Variants in CFAP46 observed in about 807,000 individuals in gnomAD.
CFAP46 encodes the protein cilia and flagella associated protein 46, also known as cilia- and flagella-associated protein 46.
CFAP46 carries 245 observed loss-of-function variants against 325.7 expected under a neutral mutation model. The observed-to-expected ratio is 0.75, with a 90% CI of 0.68 to 0.84. The LOEUF is 0.84. Ranked by LOEUF, CFAP46 falls within the 40% of genes least tolerant of loss-of-function variation. The pLI is 0.00. For synonymous variants in CFAP46, 1,523 were observed against 1,495.9 expected, an observed-to-expected ratio of 1.02 and a Z score of -0.42; for missense variants, 3,346 against 3,543.0, an observed-to-expected ratio of 0.94 and a Z score of 1.41.
At position 132,909,927 on chromosome 10, in the gene CFAP46, C is replaced by T. The variant is rs1178308713; in HGVS notation, c.2641G>A (p.Glu881Lys). The T allele has an allele frequency of 5.4e-6, 8 of 1,470,866 alleles. No individual in the cohort carries two copies. Among genetic ancestry groups the T allele is most frequent in the Non-Finnish European group, 7.2e-6 (8 of 1,112,492 alleles). The allele number at this position is 1,470,866 out of a possible 1,614,324, so 91.1% of individuals were successfully genotyped here. A position where few individuals can be genotyped will look rare whatever the true frequency, so the allele number is the denominator to read the frequency against. The change falls in exon 20 of 58, where the codon GAG becomes AAG. Residue 881 changes from glutamate to lysine, a missense_variant. Glu to Lys is a moderately conservative substitution (Grantham distance 56). Transcript: ENST00000368586. Reference protein sequence around the residue: ...QQQIGPRLGTEEQGTNEDVSS... With the variant: ...QQQIGPRLGTKEQGTNEDVSS... ...TGGGCAGGGGCGCCCACCTGCTCCTCGGTGCCCAGCCGTGGCCCAATCTGC... is the reference window on the plus strand; with the variant it reads ...TGGGCAGGGGCGCCCACCTGCTCCTTGGTGCCCAGCCGTGGCCCAATCTGC...
intron 56 of CFAP46, 63 bp downstream of exon 56, chr10:132,810,887 G>T: frequency 2.1e-6 from 3 of 1,459,138 alleles, no homozygotes; most frequent in Non-Finnish European, 2.8e-6. Context: ...TGGGTCCCAC[G>T]CCCGTCTGTC....
intron 31 of CFAP46, 36 bp from the exon 32 acceptor site, chr10:132,872,860 G>C: frequency 6.5e-7 from 1 of 1,549,996 alleles, no homozygotes; most frequent in Non-Finnish European, 8.7e-7. Context: ...GAGGTCACAG[G>C]AGCGGGTGTA....
intron 39 of CFAP46, among the ~76,000 whole-genome samples, chr10:132,854,816 C>T (rs1301625014): frequency 1.3e-5 from 2 of 152,208 alleles, no homozygotes; most frequent in East Asian, 3.8e-4. Flanking sequence ...CATCCCTTAT[C>T]CTCCTTGCCC....
intron 17 of CFAP46, 123 bp from the exon 18 acceptor site, chr10:132,913,381 G>T: frequency 5.7e-6 from 2 of 350,508 alleles, no homozygotes; most frequent in African/African-American, 2.2e-5. Context: ...GGGCGGGTGG[G>T]CGGCGACCAA....
intron 40 of CFAP46, among the ~76,000 whole-genome samples, chr10:132,850,675 T>A (rs1047868547): frequency 6.6e-6 from 1 of 152,234 alleles, no homozygotes; most frequent in Admixed American, 6.5e-5. Context: ...TTGGTCCATT[T>A]ATACTTATGT....
chr10:132,836,169 C>T lies in CFAP46; in HGVS notation c.6586G>A (p.Ala2196Thr), dbSNP rs1412516289. The stretch of plus-strand genomic sequence containing the variant: ...CCCACCGCCTGCACCTTTCCTTTGG[C>T]TGCAGTAATGAACTTGGGTTTCTCG... ...AYEKPKFITA[A>T]KGKVQAVGGS... The change falls in exon 46 of 58, where the codon GCC becomes ACC. Residue 2196 changes from alanine to threonine, a missense_variant. Ala to Thr is a moderately conservative substitution (Grantham distance 58). Transcript: ENST00000368586. The T allele has an allele frequency of 1.2e-6, 2 of 1,609,786 alleles. No individual in the cohort carries two copies. Among genetic ancestry groups the T allele is most frequent in the African/African-American group, 1.4e-5 (1 of 73,676 alleles).
chr10:132,849,379 TG>T (rs1848496890), intron 41 of CFAP46, among the ~76,000 whole-genome samples: 1 of 152,126 alleles, frequency 6.6e-6, no homozygotes, highest in Non-Finnish European at 1.5e-5. Context: ...CGGCACCTGG[TG>T]GGGGGATTGC....
At chr10:132,934,322 G>A (rs889930735) in intron 8 of CFAP46, among the ~76,000 whole-genome samples, 12 of 116,590 alleles carry the variant, frequency 1.0e-4, no homozygotes, top group African/African-American at 4.0e-4. Context: ...TGAAAGCCTC[G>A]GGCTCAGCTT....
chr10:132,898,668 G>T, intron 24 of CFAP46: 1 of 476,080 alleles, frequency 2.1e-6, no homozygotes, highest in Non-Finnish European at 3.9e-6. Context: ...CTTAAGGCAG[G>T]GACTGTGCTG....
At chr10:132,814,458 C>T in intron 53 of CFAP46, 119 bp downstream of exon 53, 3 of 1,298,748 alleles carry the variant, frequency 2.3e-6, no homozygotes, top group Non-Finnish European at 3.2e-6. Flanking sequence ...ATGGGGCAAG[C>T]ACATATGCAG....
In CFAP46 at chr10:132,899,540, G is replaced by A. The variant is rs370086324; in HGVS notation, c.3051C>T (p.Ser1017=). 20 of 1,547,300 alleles carry A rather than the reference G, an allele frequency of 1.3e-5. No homozygotes were observed. Among genetic ancestry groups the A allele is most frequent in the East Asian group, 2.4e-5 (1 of 40,898 alleles). The change falls in exon 23 of 58, where the codon AGC becomes AGT. Residue 1017 remains serine, a synonymous_variant. Transcript: ENST00000368586. ...RLVAAKAFTE[S]ARFGGIAGSS... ...AGCCCCTTAGAGCCACACACCTGGC[G>A]CTCTCCGTGAAGGCCTTGGCTGCCA... is the stretch of plus-strand genomic sequence containing the variant.
Position 132,942,457 on chromosome 10 carries a change from C to T in CFAP46, c.28G>A (p.Ala10Thr). ...TCACCTTGCTGGCTCTCGGCGCGGG[C>T]CAGCTCCTGCGTGATGACCAGGTCC... MDLVITQEL[A>T]RAESQQDAAS... The change falls in exon 1 of 58, where the codon GCC becomes ACC. Residue 10 changes from alanine to threonine, a missense_variant. Transcript: ENST00000368586. 1 of 1,240,296 alleles carries T rather than the reference C, an allele frequency of 8.1e-7. No homozygotes were observed. Among genetic ancestry groups the T allele is most frequent in the Non-Finnish European group, 9.9e-7 (1 of 1,006,208 alleles). The allele number at this position is 1,240,296 out of a possible 1,614,324, so 76.8% of individuals were successfully genotyped here.
rs1473379141 is a variant in CFAP46, at chr10:132,886,492, G to A, written c.3305-533C>T. Among the ~76,000 whole-genome samples the A allele has an allele frequency of 2.6e-5, 4 of 152,124 alleles. No homozygotes were observed. The highest frequency in any genetic ancestry group is 2.1e-4 in the South Asian group (1 of 4,826). ...CACACACAAAAATCGCCTGCCTGCC[G>A]GGAGGTGAGCCCCACCCAGCCTCCA... On this transcript the variant is annotated intron_variant, in intron 25 of 57. Coordinates refer to ENST00000368586, the MANE Select transcript of CFAP46 (RefSeq NM_001200049.3). The surrounding 1 kb of genome is among the most constrained non-coding windows in gnomAD (Gnocchi z 5.8).
At chr10:132,881,230 T>G (rs1849038296) in intron 27 of CFAP46, among the ~76,000 whole-genome samples, 198 bp from the exon 28 acceptor site, 1 of 152,194 alleles carries the variant, frequency 6.6e-6, no homozygotes, top group Admixed American at 6.5e-5. Context: ...GTTGTTTCTT[T>G]TCACAAGCAG....
Position 132,822,812 on chromosome 10 carries a change from C to CTGTG in CFAP46, c.7118-7902_7118-7899dup, listed in dbSNP as rs1210372410. Among the ~76,000 whole-genome samples the CTGTG allele has an allele frequency of 6.9e-3, 772 of 111,568 alleles. 20 individuals are homozygous for CTGTG. Among genetic ancestry groups the CTGTG allele is most frequent in the African/African-American group, 0.026 (722 of 27,340 alleles). The allele number at this position is 111,568 out of a possible 152,430, so 73.2% of individuals were successfully genotyped here. On this transcript the variant is annotated intron_variant, in intron 50 of 57. Coordinates refer to ENST00000368586, the MANE Select transcript of CFAP46 (RefSeq NM_001200049.3). ...TGTGCTGTGTGTGTGCTGATGTGTGCTGTGTGCTGTGTGTGCTGATGTGTG... is the reference window on the plus strand; with the variant it reads ...TGTGCTGTGTGTGTGCTGATGTGTGCTGTGTGTGTGCTGTGTGTGCTGATGTGTG...
intron 25 of CFAP46, among the ~76,000 whole-genome samples, chr10:132,888,368 GCCACCTT>G (rs199514607): frequency 5.7e-5 from 2 of 35,312 alleles, no homozygotes; most frequent in African/African-American, 1.8e-4. Flanking sequence ...GCCTGCACCT[GCCACCTT>G]CACCCCTGCC....
intron 50 of CFAP46, among the ~76,000 whole-genome samples, chr10:132,820,865 T>G (rs1847790332): frequency 7.7e-6 from 1 of 129,318 alleles, no homozygotes; most frequent in Admixed American, 7.7e-5. Context: ...TGATGTGTGC[T>G]GTGTGTGCTG....
rs1451485819 is a variant in CFAP46, at chr10:132,884,824, C to T, written c.3627+279G>A. ...GGAGCCTGGGCGCTTCCACTTGGGG[C>T]ATCACCCTCTGGGCCCCCCTCACCC... is the stretch of plus-strand genomic sequence containing the variant. On this transcript the variant is annotated intron_variant, in intron 27 of 57. Transcript: ENST00000368586. The surrounding 1 kb of genome is among the most constrained non-coding windows in gnomAD (Gnocchi z 5.4). Among the ~76,000 whole-genome samples the T allele has an allele frequency of 1.3e-5, 2 of 152,158 alleles. No homozygotes were observed. The highest frequency in any genetic ancestry group is 4.8e-5 in the African/African-American group (2 of 41,442).
chr10:132,916,084 A>G (rs1849632941), intron 17 of CFAP46, among the ~76,000 whole-genome samples: 1 of 152,208 alleles, frequency 6.6e-6, no homozygotes, highest in Admixed American at 6.5e-5. Flanking sequence ...TTGACACACA[A>G]GGCGTTTTCG....
Sources: allele counts gnomAD v4.1 joint callset (sites outside exome capture counted in the v4.1 genomes callset), GRCh38; gene constraint gnomAD v4.1.1; non-coding constraint Gnocchi (gnomAD v3.1); transcripts MANE v1.5; gene names NCBI Gene and HGNC (gene_info 2026-07-23, HGNC 2026-07-21).